The following ARFGEF2 variants were observed in gnomAD, a reference collection of about 807,000 sequenced individuals.
ARFGEF2 encodes ARF guanine nucleotide exchange factor 2.
Under a neutral mutation model 219.9 loss-of-function variants are expected in ARFGEF2, and 74 were observed. That is an observed-to-expected ratio of 0.34 (90% CI 0.28 to 0.41). ARFGEF2 has a LOEUF of 0.41. Ranked by LOEUF, ARFGEF2 falls within the 10% of genes least tolerant of loss-of-function variation. The pLI is 1.00. For synonymous variants in ARFGEF2, 733 were observed against 799.2 expected, an observed-to-expected ratio of 0.92 and a Z score of 1.40; for missense variants, 1,743 against 2,218.3, an observed-to-expected ratio of 0.79 and a Z score of 4.30.
chr20:49,014,045 C>T (rs1473917048), intron 30 of ARFGEF2, 85 bp downstream of exon 30: 10 of 1,563,388 alleles, frequency 6.4e-6, no homozygotes, highest in Admixed American at 1.7e-5. Flanking sequence ...GCTGCATCAT[C>T]GTCTACCCAG....
chr20:48,984,027 T>G (rs1353782849), intron 14 of ARFGEF2, among the ~76,000 whole-genome samples: 1 of 149,050 alleles, frequency 6.7e-6, no homozygotes, highest in African/African-American at 2.5e-5. Context: ...GTCAACACAG[T>G]GAGACCCTGT....
At chr20:48,972,453 C>G in intron 11 of ARFGEF2, 28 bp downstream of exon 11, 2 of 1,518,270 alleles carry the variant, frequency 1.3e-6, no homozygotes, top group African/African-American at 1.4e-5. Flanking sequence ...CACTCATCCA[C>G]TGGACTTCTG....
At chr20:49,018,767 T>G in intron 33 of ARFGEF2, 117 bp from the exon 34 acceptor site, 1 of 763,150 alleles carries the variant, frequency 1.3e-6, no homozygotes, top group Non-Finnish European at 2.4e-6. Context: ...CATTTTATTT[T>G]GAGCTAAGCA....
intron 3 of ARFGEF2, among the ~76,000 whole-genome samples, chr20:48,947,748 C>T (rs183044440): frequency 1.8e-3 from 268 of 151,954 alleles, no homozygotes; most frequent in African/African-American, 5.8e-3. Flanking sequence ...TCCAACTACT[C>T]AGGAGGCTGA....
intron 14 of ARFGEF2, among the ~76,000 whole-genome samples, chr20:48,979,669 T>C: frequency 6.6e-6 from 1 of 152,222 alleles, no homozygotes; most frequent in Non-Finnish European, 1.5e-5. Context: ...TATTGGTCTA[T>C]TCAGGGATTC....
At position 49,013,557 on chromosome 20, in the gene ARFGEF2, A is replaced by T. The variant is rs1600545897; in HGVS notation, c.3919-7A>T. On this transcript the variant is annotated splice_region_variant and splice_polypyrimidine_tract_variant and intron_variant, in intron 28 of 38. Coordinates refer to ENST00000371917, the MANE Select transcript of ARFGEF2 (RefSeq NM_006420.3). The stretch of plus-strand genomic sequence containing the variant: ...GTTTACACCTGAGATGTGATTTTTC[A>T]TCCTAGGTGCTACAAGAATACACAA... The T allele has an allele frequency of 3.1e-6, 5 of 1,614,044 alleles. No individual in the cohort carries two copies.
intron 8 of ARFGEF2, among the ~76,000 whole-genome samples, chr20:48,967,244 A>G (rs914825499): frequency 4.6e-5 from 7 of 152,216 alleles, no homozygotes; most frequent in Non-Finnish European, 8.8e-5. Context: ...ACTCAACACT[A>G]TATGATGGGC....
At chr20:48,970,412 C>T (rs562334272) in intron 9 of ARFGEF2, among the ~76,000 whole-genome samples, 204 of 152,020 alleles carry the variant, frequency 1.3e-3, no homozygotes, top group Non-Finnish European at 2.1e-3. Context: ...AGATCGAGAC[C>T]ATCCTGGCCA....
intron 14 of ARFGEF2, among the ~76,000 whole-genome samples, chr20:48,980,547 C>T (rs2091288592): frequency 6.6e-6 from 1 of 152,160 alleles, no homozygotes; most frequent in Admixed American, 6.5e-5. Context: ...TGTTAACCTT[C>T]TGTCTTGTTG....
intron 1 of ARFGEF2, among the ~76,000 whole-genome samples, chr20:48,936,261 C>T (rs866292592): frequency 1.0e-3 from 149 of 148,568 alleles, no homozygotes; most frequent in African/African-American, 3.5e-3. Flanking sequence ...CTGACCCCCC[C>T]ACCCCTGCCG....
At chr20:48,940,739 A>C (rs2090988113) in intron 1 of ARFGEF2, among the ~76,000 whole-genome samples, 1 of 152,218 alleles carries the variant, frequency 6.6e-6, no homozygotes, top group Non-Finnish European at 1.5e-5. Flanking sequence ...CTCAGGAGAC[A>C]CTTGGCAATG....
chr20:48,987,746 A>C (rs980829548), intron 16 of ARFGEF2, among the ~76,000 whole-genome samples: 1 of 152,114 alleles, frequency 6.6e-6, no homozygotes, highest in Non-Finnish European at 1.5e-5. Context: ...TTTTAAAAAA[A>C]ATTATTTGAA....
intron 27 of ARFGEF2, 96 bp downstream of exon 27, chr20:49,010,500 C>T: frequency 7.0e-7 from 1 of 1,427,856 alleles, no homozygotes; most frequent in Non-Finnish European, 9.7e-7. Context: ...GGCTTCCCTA[C>T]CTTGGCTCTA....
chr20:49,011,506 C>T lies in ARFGEF2; in HGVS notation c.3758-418C>T, dbSNP rs116158527. Among the ~76,000 whole-genome samples, 1,139 of 152,304 alleles carry T rather than the reference C, an allele frequency of 7.5e-3. 13 individuals carry two copies. Among genetic ancestry groups the T allele is most frequent in the African/African-American group, 0.025 (1,058 of 41,556 alleles). Reference sequence around the variant, plus strand: ...ATGTAGTGGAACCAGGACTTGCACTCGGGCAGTCGAGCCCAGAGTTAGTTT... The same window carrying T: ...ATGTAGTGGAACCAGGACTTGCACTTGGGCAGTCGAGCCCAGAGTTAGTTT... On this transcript the variant is annotated intron_variant, in intron 27 of 38. Coordinates refer to ENST00000371917, the MANE Select transcript of ARFGEF2 (RefSeq NM_006420.3).
intron 36 of ARFGEF2, among the ~76,000 whole-genome samples, chr20:49,027,319 C>T (rs1372445384): frequency 3.3e-5 from 5 of 152,096 alleles, no homozygotes; most frequent in African/African-American, 4.8e-5. Flanking sequence ...AGGCGTGAGC[C>T]GCTGCGCCCA....
At chr20:48,945,011 C>A (rs2091017285) in intron 3 of ARFGEF2, among the ~76,000 whole-genome samples, 1 of 152,086 alleles carries the variant, frequency 6.6e-6, no homozygotes. Context: ...TGATTTGGTT[C>A]CTGGTGAGGG....
At chr20:48,968,701 A>G (rs984240726) in intron 8 of ARFGEF2, among the ~76,000 whole-genome samples, 4 of 152,146 alleles carry the variant, frequency 2.6e-5, no homozygotes, top group Non-Finnish European at 5.9e-5. Flanking sequence ...TTCTTACCCA[A>G]GCTAGTATAA....
chr20:48,965,968 C>T lies in ARFGEF2; in HGVS notation c.1004C>T (p.Ser335Leu), dbSNP rs1159411415. The change falls in exon 8 of 39, where the codon TCA becomes TTA. Residue 335 changes from serine to leucine, a missense_variant. Around this residue, in one of 5 missense-constraint regions of ARFGEF2, gnomAD observed 394 missense variants for 426.6 expected, o/e 0.92. Coordinates refer to ENST00000371917, the MANE Select transcript of ARFGEF2 (RefSeq NM_006420.3). ...ATTCCCCCAGGAGTTGATGAAAACTCACAGACCAACGGGATAGCCGATGAC... is the reference window on the plus strand; with the variant it reads ...ATTCCCCCAGGAGTTGATGAAAACTTACAGACCAACGGGATAGCCGATGAC... ...CAIPPGVDEN[S>L]QTNGIADDRQ... 2 of 1,614,168 alleles carry T rather than the reference C, an allele frequency of 1.2e-6. No homozygotes were observed. The highest frequency in any genetic ancestry group is 1.7e-6 in the Non-Finnish European group (2 of 1,180,008).
At chr20:48,960,509 G>A (rs1033739356) in intron 6 of ARFGEF2, among the ~76,000 whole-genome samples, 3 of 151,142 alleles carry the variant, frequency 2.0e-5, no homozygotes, top group Non-Finnish European at 4.4e-5. Context: ...TTGAGACCGA[G>A]TTTTGCTCCT....
Sources: gnomAD v4.1 joint callset for allele counts (sites outside exome capture counted in the v4.1 genomes callset) on GRCh38, gnomAD v4.1.1 for gene constraint, gnomAD v4.1.1 regional missense constraint, MANE v1.5 for transcripts, NCBI Gene and HGNC (gene_info 2026-07-23, HGNC 2026-07-21) for gene names.